EXOC6B: variants seen among roughly 807,000 people sequenced by gnomAD.
EXOC6B encodes the protein exocyst complex component 6B, also known as SEC15 homolog B.
A neutral mutation model predicts 113.5 loss-of-function variants in EXOC6B; 54 were observed. The observed-to-expected ratio is 0.48, with a 90% CI of 0.38 to 0.60. The LOEUF is 0.60. EXOC6B is among the 20% of genes least tolerant of loss of function. The pLI, the probability that EXOC6B is intolerant of heterozygous loss-of-function variation, is 0.00. For synonymous variants in EXOC6B, 357 were observed against 339.0 expected, an observed-to-expected ratio of 1.05 and a Z score of -0.58; for missense variants, 797 against 977.5, an observed-to-expected ratio of 0.82 and a Z score of 2.46.
At chr2:72,639,804 C>T (rs1035970637) in intron 6 of EXOC6B, among the ~76,000 whole-genome samples, 2 of 152,168 alleles carry the variant, frequency 1.3e-5, no homozygotes, top group African/African-American at 4.8e-5. Flanking sequence ...CGGCTGAATC[C>T]ACCTTATACC....
At chr2:72,344,949 T>G (rs981615337) in intron 19 of EXOC6B, among the ~76,000 whole-genome samples, 1 of 151,900 alleles carries the variant, frequency 6.6e-6, no homozygotes, top group Non-Finnish European at 1.5e-5. Flanking sequence ...TGAACCTCTG[T>G]GATTAGAAGC....
intron 6 of EXOC6B, among the ~76,000 whole-genome samples, chr2:72,661,546 TA>T (rs1418303166): frequency 6.6e-6 from 1 of 152,106 alleles, no homozygotes; most frequent in Non-Finnish European, 1.5e-5. Context: ...AAATAATTGA[TA>T]TGAATCTAAC....
chr2:72,503,254 G>T (rs1700425026), intron 11 of EXOC6B, among the ~76,000 whole-genome samples: 1 of 151,900 alleles, frequency 6.6e-6, no homozygotes. Context: ...ATATTCTATG[G>T]GACTTAACAT....
intron 20 of EXOC6B, among the ~76,000 whole-genome samples, chr2:72,206,305 T>C (rs1438248906): frequency 1.3e-5 from 2 of 152,168 alleles, no homozygotes; most frequent in Non-Finnish European, 2.9e-5. Context: ...CTTAGAAACA[T>C]AGAATCAAGG....
chr2:72,320,663 T>G (rs1248668334), intron 20 of EXOC6B, among the ~76,000 whole-genome samples: 1 of 152,162 alleles, frequency 6.6e-6, no homozygotes, highest in Non-Finnish European at 1.5e-5. Flanking sequence ...TGACCTTGGA[T>G]TAGGCAAAGA....
intron 20 of EXOC6B, among the ~76,000 whole-genome samples, chr2:72,293,314 T>C (rs765023779): frequency 6.6e-6 from 1 of 151,974 alleles, no homozygotes; most frequent in Non-Finnish European, 1.5e-5. Context: ...AGTAGAATGA[T>C]ATACTACAGA....
chr2:72,179,567 T>A, intron 21 of EXOC6B, 106 bp from the exon 22 acceptor site: 1 of 1,311,406 alleles, frequency 7.6e-7, no homozygotes, highest in Non-Finnish European at 1.1e-6. Flanking sequence ...CTACCCAGAG[T>A]AATGAGAGAG....
chr2:72,642,574 A>C (rs1248963312), intron 6 of EXOC6B, among the ~76,000 whole-genome samples: 2 of 148,452 alleles, frequency 1.3e-5, no homozygotes, highest in Admixed American at 6.8e-5. Context: ...TAGAAAGCTG[A>C]AACCGGATCC....
intron 19 of EXOC6B, among the ~76,000 whole-genome samples, chr2:72,367,820 C>G (rs1005142055): frequency 2.0e-5 from 3 of 152,112 alleles, no homozygotes; most frequent in African/African-American, 7.2e-5. Flanking sequence ...TGGGCTCACT[C>G]AGAACCCACA....
chr2:72,684,686 T>C (rs138230806), intron 6 of EXOC6B, among the ~76,000 whole-genome samples: 135 of 152,328 alleles, frequency 8.9e-4, no homozygotes, highest in African/African-American at 2.9e-3. Flanking sequence ...AAAATTATCA[T>C]GCTGAGTAAA....
In EXOC6B at chr2:72,184,073, A is replaced by T. The variant is rs895049059; in HGVS notation, c.2309+2T>A. On this transcript the variant is annotated splice_donor_variant, in intron 21 of 21. Coordinates refer to ENST00000272427, the MANE Select transcript of EXOC6B (RefSeq NM_015189.3). LOFTEE classifies it high-confidence loss of function. ...ACACAGACCATTGGACAAGGTACTC[A>T]CTTCTCAAGCAGGGTCAGAGCAGTC... The T allele has an allele frequency of 6.6e-7, 1 of 1,525,142 alleles. No homozygotes were observed. The highest frequency in any genetic ancestry group is 8.9e-7 in the Non-Finnish European group (1 of 1,119,944). 94.5% of individuals were successfully genotyped at this position (1,525,142 alleles called of 1,614,324 possible). A position where few individuals can be genotyped will look rare whatever the true frequency, so the allele number is the denominator to read the frequency against.
At chr2:72,420,456 C>G (rs953579227) in intron 18 of EXOC6B, among the ~76,000 whole-genome samples, 1 of 152,104 alleles carries the variant, frequency 6.6e-6, no homozygotes, top group Non-Finnish European at 1.5e-5. Flanking sequence ...TCTCATTGTT[C>G]ACCTCCCACT....
chr2:72,768,585 G>A (rs1284109414), intron 1 of EXOC6B, among the ~76,000 whole-genome samples: 1 of 149,754 alleles, frequency 6.7e-6, no homozygotes, highest in Non-Finnish European at 1.5e-5. Flanking sequence ...GATTAGAGGC[G>A]TGAGACACTG....
intron 1 of EXOC6B, among the ~76,000 whole-genome samples, chr2:72,808,294 T>C (rs1413759863): frequency 6.6e-6 from 1 of 152,160 alleles, no homozygotes; most frequent in Non-Finnish European, 1.5e-5. Flanking sequence ...AATGTTTGTG[T>C]AGGAAATATT....
chr2:72,680,372 A>T (rs1369681993), intron 6 of EXOC6B, among the ~76,000 whole-genome samples: 1 of 152,220 alleles, frequency 6.6e-6, no homozygotes. Context: ...TATTAGCCCA[A>T]GTTGTTGTAA....
At chr2:72,545,852 C>T (rs1702867582) in intron 8 of EXOC6B, among the ~76,000 whole-genome samples, 1 of 152,172 alleles carries the variant, frequency 6.6e-6, no homozygotes, top group Non-Finnish European at 1.5e-5. Flanking sequence ...AAGTGCTTTA[C>T]TGTAATGTTC....
At chr2:72,436,077 T>C (rs1695848779) in intron 18 of EXOC6B, among the ~76,000 whole-genome samples, 1 of 152,236 alleles carries the variant, frequency 6.6e-6, no homozygotes, top group Non-Finnish European at 1.5e-5. Context: ...TCAGGAGCTC[T>C]TGTAAGGCTG....
At chr2:72,352,521 C>T (rs1199384843) in intron 19 of EXOC6B, among the ~76,000 whole-genome samples, 2 of 151,874 alleles carry the variant, frequency 1.3e-5, no homozygotes, top group African/African-American at 4.8e-5. Flanking sequence ...CTTTCATGCA[C>T]ATAAATGCAA....
intron 20 of EXOC6B, among the ~76,000 whole-genome samples, chr2:72,292,592 T>A (rs1229492616): frequency 6.6e-6 from 1 of 152,048 alleles, no homozygotes; most frequent in Non-Finnish European, 1.5e-5. Context: ...TTATCACATG[T>A]GTTGATTCAT....
Sources: gnomAD v4.1 joint callset for allele counts (sites outside exome capture counted in the v4.1 genomes callset) on GRCh38, gnomAD v4.1.1 for gene constraint, MANE v1.5 for transcripts, NCBI Gene and HGNC (gene_info 2026-07-23, HGNC 2026-07-21) for gene names.